The following ZNF678 variants were observed in gnomAD, a reference collection of about 807,000 sequenced individuals.
ZNF678 encodes the protein hypothetical protein MGC42493.
In ZNF678, 5 loss-of-function variants were observed where a neutral mutation model predicts 3.0. The observed-to-expected ratio is 1.69, with a 90% CI of 0.88 to 3.56. The LOEUF (loss-of-function observed/expected upper bound fraction) is 3.56, where lower values mean the gene tolerates loss of function less well. ZNF678 is among the 30% of genes most tolerant of loss of function. The pLI, the probability that ZNF678 is intolerant of heterozygous loss-of-function variation, is 0.00. For missense variants in ZNF678, 593 were observed against 605.0 expected, an observed-to-expected ratio of 0.98 and a Z score of 0.21; for synonymous variants, 218 against 199.6, an observed-to-expected ratio of 1.09 and a Z score of -0.78.
chr1:227,654,283 A>G (rs551579013), intron 3 of ZNF678, 53 bp from the exon 4 acceptor site: 69 of 1,326,878 alleles, frequency 5.2e-5, no homozygotes, highest in Non-Finnish European at 6.5e-5. Context: ...TTTGTAAAGT[A>G]TATTTACTGG....
chr1:227,587,983 C>G (rs1657305519), intron 1 of ZNF678, among the ~76,000 whole-genome samples: 1 of 151,972 alleles, frequency 6.6e-6, no homozygotes, highest in South Asian at 2.1e-4. Context: ...TGTTTTCCCT[C>G]CCCCCAGCCC....
intron 1 of ZNF678, among the ~76,000 whole-genome samples, chr1:227,607,405 C>T (rs544190736): frequency 1.3e-5 from 2 of 152,162 alleles, no homozygotes; most frequent in Admixed American, 6.5e-5. Flanking sequence ...CAAAAATGCA[C>T]CTAAAATAAA....
intron 1 of ZNF678, among the ~76,000 whole-genome samples, chr1:227,623,505 A>G (rs1658330822): frequency 6.6e-6 from 1 of 152,252 alleles, no homozygotes; most frequent in Admixed American, 6.5e-5. Flanking sequence ...CATGTGAACT[A>G]TTGACAGTAT....
intron 5 of ZNF678, among the ~76,000 whole-genome samples, chr1:227,675,742 AAC>A (rs1049490806): frequency 2.0e-5 from 3 of 152,178 alleles, no homozygotes; most frequent in Admixed American, 6.5e-5. Context: ...CCCCATAAAA[AAC>A]ACCTATTATG....
rs1156281594 is a variant in ZNF678 at position 227,656,310 on chromosome 1, T to G, written c.*482T>G. 2 of 151,950 alleles carry G rather than the reference T, an allele frequency of 1.3e-5. No individual in the cohort carries two copies. Among genetic ancestry groups the G allele is most frequent in the African/African-American group, 4.8e-5 (2 of 41,420 alleles). 9.4% of individuals were successfully genotyped at this position (151,950 alleles called of 1,614,324 possible). A position where few individuals can be genotyped will look rare whatever the true frequency, so the allele number is the denominator to read the frequency against. Reference sequence around the variant, plus strand: ...GTTGATTGTCGAGAATAATTCAAAGTTAAAATAGATAATTTAGTTGTATGT... The same window carrying G: ...GTTGATTGTCGAGAATAATTCAAAGGTAAAATAGATAATTTAGTTGTATGT... On this transcript the variant is annotated 3_prime_UTR_variant, in exon 4 of 4. Coordinates refer to ENST00000343776, the MANE Select transcript of ZNF678 (RefSeq NM_001367909.1).
downstream of ZNF678, among the ~76,000 whole-genome samples, chr1:227,678,925 C>G (rs1328389465): frequency 6.6e-6 from 1 of 152,160 alleles, no homozygotes; most frequent in Non-Finnish European, 1.5e-5. Context: ...TTACATCTCT[C>G]ATAATTGTGG....
chr1:227,663,810 C>A (rs1415219905), downstream of ZNF678, among the ~76,000 whole-genome samples: 1 of 152,152 alleles, frequency 6.6e-6, no homozygotes, highest in Non-Finnish European at 1.5e-5. Context: ...TAGGACAGAT[C>A]CCAGGGTGTC....
chr1:227,665,345 G>A (rs561530352), downstream of ZNF678, among the ~76,000 whole-genome samples: 5 of 152,158 alleles, frequency 3.3e-5, no homozygotes, highest in East Asian at 1.9e-4. Context: ...AAAATCAGAC[G>A]CTTGTGCTGC....
intron 1 of ZNF678, among the ~76,000 whole-genome samples, chr1:227,600,378 A>G (rs1657705207): frequency 2.0e-5 from 3 of 152,200 alleles, no homozygotes; most frequent in South Asian, 4.1e-4. Flanking sequence ...TCTTTGTGAA[A>G]TCACCACACT....
intron 1 of ZNF678, among the ~76,000 whole-genome samples, chr1:227,594,680 AG>A (rs1277646092): frequency 1.3e-5 from 2 of 152,236 alleles, no homozygotes; most frequent in African/African-American, 2.4e-5. Flanking sequence ...TTGCACATAA[AG>A]TGTTTTTCTA....
intron 1 of ZNF678, chr1:227,582,583 C>A: frequency 4.1e-6 from 1 of 246,364 alleles, no homozygotes; most frequent in Non-Finnish European, 8.3e-6. Context: ...TCTGCCTAAT[C>A]CTCCCAAAGT....
chr1:227,606,747 C>G (rs1657883387), intron 1 of ZNF678, among the ~76,000 whole-genome samples: 2 of 152,038 alleles, frequency 1.3e-5, no homozygotes, highest in Non-Finnish European at 2.9e-5. Flanking sequence ...GCATCGTGTC[C>G]CTGGTTAATA....
chr1:227,669,256 A>G (rs1470537922), intron 5 of ZNF678, among the ~76,000 whole-genome samples: 1 of 152,260 alleles, frequency 6.6e-6, no homozygotes, highest in African/African-American at 2.4e-5. Flanking sequence ...AGCAAAAGAC[A>G]TGAACAGACA....
chr1:227,609,519 C>T (rs994468937), intron 1 of ZNF678, among the ~76,000 whole-genome samples: 1 of 152,160 alleles, frequency 6.6e-6, no homozygotes, highest in Non-Finnish European at 1.5e-5. Context: ...ATGTGTGTTG[C>T]TCCCCTCTGT....
chr1:227,676,929 C>T (rs1408419454), intron 5 of ZNF678, among the ~76,000 whole-genome samples: 1 of 152,096 alleles, frequency 6.6e-6, no homozygotes, highest in East Asian at 1.9e-4. Flanking sequence ...CATTGTTGGA[C>T]ATTTGGGTTG....
rs1467359411 is a variant in ZNF678 at position 227,584,144 on chromosome 1, T to G, written c.-164+20420T>G. ...CACACCAATTGAATTAACATTTTGT[T>G]GCAGAGCTTTATACTGTCATTGGGG... On this transcript the variant is annotated intron_variant, in intron 1 of 3. Transcript: ENST00000343776. 2.0e-5 allele frequency among the ~76,000 whole-genome samples: 3 copies of G among 152,348 alleles called. No homozygotes were observed. In the East Asian group the frequency reaches 5.8e-4, roughly 29 times the overall value.
chr1:227,576,929 T>C (rs886381737), intron 1 of ZNF678, among the ~76,000 whole-genome samples: 20 of 152,354 alleles, frequency 1.3e-4, no homozygotes, highest in African/African-American at 4.8e-4. Context: ...TCTGGTATGT[T>C]GTATCTTTAT....
downstream of ZNF678, among the ~76,000 whole-genome samples, chr1:227,663,200 T>G (rs1659443642): frequency 1.3e-5 from 2 of 152,232 alleles, no homozygotes; most frequent in South Asian, 4.1e-4. Flanking sequence ...AAAAAATATC[T>G]GTTATTAAAG....
Position 227,676,313 on chromosome 1 carries a change from C to A in ZNF678, c.227-866C>A, listed in dbSNP as rs367958420. On this transcript the variant is annotated intron_variant, in intron 5 of 5. Transcript: ENST00000608949. ...GGACTCACCCTTAAACTAGGAGTTA[C>A]AAGATTTTAACAGTGTAAGACTACC... 1.6e-4 allele frequency among the ~76,000 whole-genome samples: 24 copies of A among 152,192 alleles called. No homozygotes were observed. In the East Asian group the frequency reaches 3.9e-3, roughly 25 times the overall value.
Sources: allele counts gnomAD v4.1 joint callset (sites outside exome capture counted in the v4.1 genomes callset), GRCh38; gene constraint gnomAD v4.1.1; transcripts MANE v1.5; gene names NCBI Gene and HGNC (gene_info 2026-07-23, HGNC 2026-07-21).